Variants in THADA observed in about 807,000 individuals in gnomAD.
THADA encodes THADA armadillo repeat containing, also known as tRNA (32-2'-O)-methyltransferase regulator THADA.
Under a neutral mutation model 219.8 loss-of-function variants are expected in THADA, and 213 were observed. That is an observed-to-expected ratio of 0.97 (90% CI 0.87 to 1.09). THADA has a LOEUF of 1.09. Ranked by LOEUF, THADA falls within the 50% of genes least tolerant of loss-of-function variation. THADA has a pLI of 0.00. For missense variants in THADA, 2,956 were observed against 2,311.3 expected (o/e 1.28, Z -5.72); for synonymous variants, 1,018 against 828.9 (o/e 1.23, Z -3.92).
intron 31 of THADA, among the ~76,000 whole-genome samples, chr2:43,306,173 G>A (rs1676842033): frequency 1.3e-5 from 2 of 152,068 alleles, no homozygotes; most frequent in South Asian, 4.2e-4. Context: ...CCCATGCCTG[G>A]CTAATTTTTT....
chr2:43,437,543 G>A (rs1680273914), intron 26 of THADA, among the ~76,000 whole-genome samples: 1 of 152,094 alleles, frequency 6.6e-6, no homozygotes, highest in African/African-American at 2.4e-5. Context: ...GAATGGATTT[G>A]GTGCCAACTC....
chr2:43,470,835 A>G (rs1684825438), intron 26 of THADA, among the ~76,000 whole-genome samples: 1 of 152,226 alleles, frequency 6.6e-6, no homozygotes, highest in Admixed American at 6.5e-5. Flanking sequence ...CCGCAGTTTC[A>G]CTAGACTTAG....
chr2:43,478,352 A>G (rs530275228), intron 26 of THADA, among the ~76,000 whole-genome samples: 63 of 152,296 alleles, frequency 4.1e-4, no homozygotes, highest in Admixed American at 3.7e-3. Context: ...TCTGGCTTTA[A>G]CCTCTTAGAC....
chr2:43,384,327 T>A (rs1310718137), intron 29 of THADA, among the ~76,000 whole-genome samples: 1 of 152,004 alleles, frequency 6.6e-6, no homozygotes, highest in Non-Finnish European at 1.5e-5. Flanking sequence ...GGGCGAGGGG[T>A]GTGAGTAAGA....
At chr2:43,348,109 T>G (rs2104549709) in intron 29 of THADA, among the ~76,000 whole-genome samples, 1 of 152,334 alleles carries the variant, frequency 6.6e-6, no homozygotes, top group Non-Finnish European at 1.5e-5. Flanking sequence ...GATGTTTTAT[T>G]TAGCCCATAC....
chr2:43,377,181 G>A (rs1264978240), intron 29 of THADA, among the ~76,000 whole-genome samples: 1 of 152,146 alleles, frequency 6.6e-6, no homozygotes, highest in Non-Finnish European at 1.5e-5. Flanking sequence ...AATGCCTTTG[G>A]CAAAATTATA....
chr2:43,449,190 T>G (rs1277693987), intron 26 of THADA, among the ~76,000 whole-genome samples: 1 of 151,886 alleles, frequency 6.6e-6, no homozygotes, highest in Non-Finnish European at 1.5e-5. Flanking sequence ...AGTAAAAAAT[T>G]CATTAGAGGG....
intron 29 of THADA, among the ~76,000 whole-genome samples, chr2:43,350,703 T>G (rs1053512448): frequency 4.6e-5 from 7 of 152,218 alleles, no homozygotes; most frequent in Admixed American, 3.9e-4. Context: ...CAGAAGAAAG[T>G]GCTTGGTGGG....
chr2:43,230,988 G>A lies in THADA; in HGVS notation c.5822C>T (p.Ser1941Leu), dbSNP rs753930206. The A allele has an allele frequency of 2.2e-5, 36 of 1,613,230 alleles. No homozygotes were observed. In the Admixed American group the frequency reaches 4.7e-4, roughly 21 times the overall value. Residue 1941 changes from serine to leucine, a missense_variant, in exon 38 of 38, where the codon TCG becomes TTG. Coordinates refer to ENST00000405975, the MANE Select transcript of THADA (RefSeq NM_022065.5). ...VLSVWDSYAE[S>L]RQLTLPRTEA... is the part of the protein sequence containing the mutation. ...TGTTCTTGGAAGAGTTAACTGCCTC[G>A]ATTCTGCATAAGAGTCCCAAACACT...
intron 28 of THADA, among the ~76,000 whole-genome samples, chr2:43,422,151 T>C (rs1435151247): frequency 6.6e-6 from 1 of 152,254 alleles, no homozygotes; most frequent in East Asian, 1.9e-4. Flanking sequence ...AACTCAGTAT[T>C]ATGGAAATAT....
chr2:43,567,347 G>C (rs1438569949), intron 14 of THADA, among the ~76,000 whole-genome samples: 1 of 152,036 alleles, frequency 6.6e-6, no homozygotes, highest in African/African-American at 2.4e-5. Flanking sequence ...AACACAACAA[G>C]GGCCAGGCGT....
At chr2:43,310,197 TCCTCCCTC>T (rs973179314) in intron 31 of THADA, among the ~76,000 whole-genome samples, 2 of 125,776 alleles carry the variant, frequency 1.6e-5, no homozygotes, top group Middle Eastern at 3.8e-3. Flanking sequence ...GCTTTTTCTT[TCCTCCCTC>T]CCTCCCTCCC....
intron 26 of THADA, among the ~76,000 whole-genome samples, chr2:43,442,352 C>G (rs1171920888): frequency 6.6e-6 from 1 of 152,126 alleles, no homozygotes; most frequent in Non-Finnish European, 1.5e-5. Context: ...AAGAGAATCG[C>G]TTGAACCCAG....
At chr2:43,429,396 C>G (rs1414865795) in intron 27 of THADA, among the ~76,000 whole-genome samples, 1 of 152,058 alleles carries the variant, frequency 6.6e-6, no homozygotes, top group Admixed American at 6.5e-5. Context: ...TGTGAGCCAC[C>G]ACACCAGCCA....
At chr2:43,277,223 T>A (rs914247213) in intron 36 of THADA, 1 of 152,474 alleles carries the variant, frequency 6.6e-6, no homozygotes, top group Non-Finnish European at 1.5e-5. Context: ...TAGCTTCCCA[T>A]TACCTGCAGA....
chr2:43,486,446 G>A (rs1340067743), intron 25 of THADA: 2 of 152,156 alleles, frequency 1.3e-5, no homozygotes, highest in East Asian at 3.9e-4. Flanking sequence ...CCTTGCTACA[G>A]TGTGTAAGGC....
At chr2:43,595,811 G>A (rs1434217488) in intron 1 of THADA, 120 bp downstream of exon 1, 2 of 152,350 alleles carry the variant, frequency 1.3e-5, no homozygotes, top group African/African-American at 2.4e-5. Flanking sequence ...CAGTTTCACA[G>A]CCGCCGAATC....
Position 43,316,747 on chromosome 2 carries a change from G to A in THADA, c.4438+3699C>T, listed in dbSNP as rs749833606. 5.3e-5 allele frequency among the ~76,000 whole-genome samples: 8 copies of A among 152,240 alleles called. 1 individual carries two copies. The South Asian group carries it at 1.7e-3, about 32-fold the overall frequency. On this transcript the variant is annotated intron_variant, in intron 31 of 37. Coordinates refer to ENST00000405975, the MANE Select transcript of THADA (RefSeq NM_022065.5). ...GTTCGAGACCAGCCTGACGAACAAGGAGAAACCCCGTCTCCACTAAGAATA... is the reference window on the plus strand; with the variant it reads ...GTTCGAGACCAGCCTGACGAACAAGAAGAAACCCCGTCTCCACTAAGAATA...
chr2:43,339,016 A>G (rs951286562), intron 30 of THADA, among the ~76,000 whole-genome samples: 2 of 152,236 alleles, frequency 1.3e-5, no homozygotes, highest in East Asian at 1.9e-4. Context: ...GAAGGAAGCT[A>G]TAACTTACAT....
Sources: allele counts gnomAD v4.1 joint callset (sites outside exome capture counted in the v4.1 genomes callset), GRCh38; gene constraint gnomAD v4.1.1; transcripts MANE v1.5; gene names NCBI Gene and HGNC (gene_info 2026-07-23, HGNC 2026-07-21).